The following PTPN4 variants were observed in gnomAD, a reference collection of about 807,000 sequenced individuals.
The protein encoded by PTPN4 is protein tyrosine phosphatase non-receptor type 4.
A neutral mutation model predicts 135.5 loss-of-function variants in PTPN4; 49 were observed. That is an observed-to-expected ratio of 0.36 (90% CI 0.29 to 0.46). PTPN4 has a LOEUF of 0.46. Ranked by LOEUF, PTPN4 falls within the 20% of genes least tolerant of loss-of-function variation. The pLI, the probability that PTPN4 is intolerant of heterozygous loss-of-function variation, is 1.00. For missense variants in PTPN4, 860 were observed against 1,101.0 expected (o/e 0.78, Z 3.10); for synonymous variants, 333 against 369.9 (o/e 0.90, Z 1.14).
intron 15 of PTPN4, among the ~76,000 whole-genome samples, chr2:119,938,083 G>A (rs558040295): frequency 6.3e-4 from 95 of 150,192 alleles, no homozygotes; most frequent in Middle Eastern, 6.9e-3. Context: ...CTTAACAACC[G>A]AAAGTTAACA....
intron 2 of PTPN4, among the ~76,000 whole-genome samples, chr2:119,821,756 TGTGCTA>T (rs1241420610): frequency 6.6e-6 from 1 of 152,226 alleles, no homozygotes; most frequent in African/African-American, 2.4e-5. Context: ...GTGTGGGATG[TGTGCTA>T]GTTCTTTATA....
At chr2:119,968,289 C>A (rs1679474387) in intron 26 of PTPN4, among the ~76,000 whole-genome samples, 1 of 152,030 alleles carries the variant, frequency 6.6e-6, no homozygotes, top group South Asian at 2.1e-4. Flanking sequence ...TAATATCTGG[C>A]CTTTTACAGA....
chr2:119,863,955 C>G (rs193248197), intron 3 of PTPN4, among the ~76,000 whole-genome samples: 2 of 152,076 alleles, frequency 1.3e-5, no homozygotes, highest in African/African-American at 4.8e-5. Context: ...CTAAAATAAT[C>G]AAAAGGGTCA....
At chr2:119,964,587 T>C (rs1233116436) in intron 24 of PTPN4, among the ~76,000 whole-genome samples, 1 of 152,244 alleles carries the variant, frequency 6.6e-6, no homozygotes, top group African/African-American at 2.4e-5. Flanking sequence ...TCATTAGTTT[T>C]TTTTAAGCAT....
At chr2:119,811,986 G>C (rs1037274263) in intron 2 of PTPN4, among the ~76,000 whole-genome samples, 1 of 151,982 alleles carries the variant, frequency 6.6e-6, no homozygotes, top group Non-Finnish European at 1.5e-5. Context: ...TTACCATTCT[G>C]TGGTGCTAGA....
intron 9 of PTPN4, among the ~76,000 whole-genome samples, chr2:119,891,262 G>A (rs553613137): frequency 2.0e-5 from 3 of 152,166 alleles, no homozygotes; most frequent in East Asian, 1.9e-4. Context: ...GGCTATTGTT[G>A]AAGTTTTCAA....
intron 11 of PTPN4, chr2:119,916,630 G>A (rs1027747240): frequency 1.3e-5 from 2 of 152,198 alleles, no homozygotes; most frequent in African/African-American, 4.8e-5. Context: ...CAGCACCCCA[G>A]ATGCTTGAAA....
At chr2:119,869,990 C>T (rs1296185035) in intron 3 of PTPN4, among the ~76,000 whole-genome samples, 1 of 152,212 alleles carries the variant, frequency 6.6e-6, no homozygotes, top group Non-Finnish European at 1.5e-5. Flanking sequence ...ACTTGGCCTC[C>T]TCTTTTCCCC....
At chr2:119,910,004 T>G (rs1441595212) in intron 10 of PTPN4, among the ~76,000 whole-genome samples, 1 of 152,122 alleles carries the variant, frequency 6.6e-6, no homozygotes, top group African/African-American at 2.4e-5. Flanking sequence ...AATCTACTAT[T>G]GGTGAAGATG....
intron 2 of PTPN4, among the ~76,000 whole-genome samples, chr2:119,817,284 C>T (rs897382705): frequency 6.6e-6 from 1 of 150,962 alleles, no homozygotes; most frequent in African/African-American, 2.4e-5. Context: ...TATGGCTAGC[C>T]AGTTATGCCA....
chr2:119,925,896 T>C (rs1678817218), intron 12 of PTPN4, among the ~76,000 whole-genome samples: 1 of 152,194 alleles, frequency 6.6e-6, no homozygotes, highest in African/African-American at 2.4e-5. Flanking sequence ...ATTACCTCCC[T>C]CTTAGAGGAA....
At chr2:119,824,282 G>T (rs945790927) in intron 2 of PTPN4, among the ~76,000 whole-genome samples, 8 of 152,046 alleles carry the variant, frequency 5.3e-5, no homozygotes, top group South Asian at 4.2e-4. Flanking sequence ...ACTCTTTTTG[G>T]GGGGGAGGCA....
chr2:119,927,352 C>T (rs1172616335), intron 13 of PTPN4, among the ~76,000 whole-genome samples: 1 of 80,798 alleles, frequency 1.2e-5, no homozygotes, highest in Non-Finnish European at 2.8e-5. Flanking sequence ...CTCAGGTGAT[C>T]CCCCCCACCT....
At chr2:119,846,936 C>G (rs1677507939) in intron 2 of PTPN4, among the ~76,000 whole-genome samples, 1 of 150,956 alleles carries the variant, frequency 6.6e-6, no homozygotes, top group African/African-American at 2.4e-5. Flanking sequence ...TATTACAAAC[C>G]CAAAAATATA....
intron 8 of PTPN4, among the ~76,000 whole-genome samples, chr2:119,884,048 G>A (rs1216976986): frequency 1.3e-5 from 2 of 152,074 alleles, no homozygotes; most frequent in Non-Finnish European, 2.9e-5. Flanking sequence ...ACAGGTGCCC[G>A]CCACCATGCC....
intron 3 of PTPN4, among the ~76,000 whole-genome samples, chr2:119,865,606 A>G (rs1357153088): frequency 6.6e-6 from 1 of 152,066 alleles, no homozygotes; most frequent in Non-Finnish European, 1.5e-5. Context: ...TGAACATATT[A>G]AGGAGAGGAG....
intron 26 of PTPN4, among the ~76,000 whole-genome samples, chr2:119,972,108 A>T (rs1679542473): frequency 6.6e-6 from 1 of 151,980 alleles, no homozygotes; most frequent in African/African-American, 2.4e-5. Context: ...TTCCAGCTTG[A>T]TTTAGCTATT....
At chr2:119,934,734 A>T in intron 14 of PTPN4, 66 bp from the exon 15 acceptor site, 1 of 1,502,886 alleles carries the variant, frequency 6.7e-7, no homozygotes, top group Admixed American at 1.9e-5. Flanking sequence ...GTAACCATAT[A>T]TTAAGAAACT....
intron 1 of PTPN4, among the ~76,000 whole-genome samples, chr2:119,793,404 C>G (rs1014858031): frequency 6.6e-6 from 1 of 152,160 alleles, no homozygotes; most frequent in Non-Finnish European, 1.5e-5. Flanking sequence ...TTATCCTGTT[C>G]TTTTTTCAAT....
Sources: allele counts gnomAD v4.1 joint callset (sites outside exome capture counted in the v4.1 genomes callset), GRCh38; gene constraint gnomAD v4.1.1; transcripts MANE v1.5; gene names NCBI Gene and HGNC (gene_info 2026-07-23, HGNC 2026-07-21).